Variants in CPA6 observed in about 807,000 individuals in gnomAD.
CPA6 encodes the protein carboxypeptidase B.
Under a neutral mutation model 63.3 loss-of-function variants are expected in CPA6, and 58 were observed. The observed-to-expected ratio is 0.92, with a 90% CI of 0.74 to 1.14. The LOEUF is 1.14. CPA6 is among the 50% of genes most tolerant of loss of function. The probability of loss-of-function intolerance (pLI) is 0.00; values close to 1 mark genes in which losing one functional copy is unlikely to be tolerated. For synonymous variants in CPA6, 185 were observed against 179.0 expected, an observed-to-expected ratio of 1.03 and a Z score of -0.27; for missense variants, 565 against 526.6, an observed-to-expected ratio of 1.07 and a Z score of -0.71.
At chr8:67,640,175 C>T (rs1468967698) in intron 1 of CPA6, among the ~76,000 whole-genome samples, 1 of 151,394 alleles carries the variant, frequency 6.6e-6, no homozygotes, top group African/African-American at 2.5e-5. Context: ...GGAGCCTGGC[C>T]CCCAGGCTTC....
intron 8 of CPA6, among the ~76,000 whole-genome samples, chr8:67,465,377 A>G (rs948237864): frequency 2.0e-5 from 3 of 151,984 alleles, no homozygotes; most frequent in African/African-American, 7.2e-5. Context: ...GAAGTCGTTT[A>G]TCAGTTCCAG....
At chr8:67,715,250 TGCC>T in intron 1 of CPA6, among the ~76,000 whole-genome samples, 1 of 152,322 alleles carries the variant, frequency 6.6e-6, no homozygotes, top group East Asian at 1.9e-4. Flanking sequence ...CTACTTCCAA[TGCC>T]AATTCTAAAT....
chr8:67,712,787 G>GA (rs1817289357), intron 1 of CPA6, among the ~76,000 whole-genome samples: 1 of 151,942 alleles, frequency 6.6e-6, no homozygotes, highest in Admixed American at 6.5e-5. Flanking sequence ...TGAGTAGTGT[G>GA]AAGAAATTTC....
chr8:67,496,544 TATATATATATA>T lies in CPA6; in HGVS notation c.636+10232_636+10242del, dbSNP rs1811719444. Among the ~76,000 whole-genome samples the T allele has an allele frequency of 3.6e-5, 5 of 140,048 alleles. 1 individual carries two copies. Among genetic ancestry groups the T allele is most frequent in the African/African-American group, 1.4e-4 (5 of 36,844 alleles). The allele number at this position is 140,048 out of a possible 152,430, so 91.9% of individuals were successfully genotyped here. A position where few individuals can be genotyped will look rare whatever the true frequency, so the allele number is the denominator to read the frequency against. On this transcript the variant is annotated intron_variant, in intron 6 of 10. Coordinates refer to ENST00000297770, the MANE Select transcript of CPA6 (RefSeq NM_020361.5). ...TTATATATATATATATATATATATA[TATATATATATA>T]TATTTATTTTATTTTTTTTTTTTGA...
intron 8 of CPA6, among the ~76,000 whole-genome samples, chr8:67,446,833 G>C (rs1473886176): frequency 6.6e-6 from 1 of 151,984 alleles, no homozygotes; most frequent in African/African-American, 2.4e-5. Context: ...AATTATCCTG[G>C]AATGACCCAT....
At chr8:67,544,737 CTTCTGCCATATATATA>C (rs1467805963) in intron 2 of CPA6, among the ~76,000 whole-genome samples, 1 of 152,148 alleles carries the variant, frequency 6.6e-6, no homozygotes, top group Non-Finnish European at 1.5e-5. Context: ...TAATTCGCTG[CTTCTGCCATATATATA>C]TCTTTCGTAC....
intron 2 of CPA6, among the ~76,000 whole-genome samples, chr8:67,519,644 A>C (rs1812219800): frequency 6.6e-6 from 1 of 152,204 alleles, no homozygotes; most frequent in Non-Finnish European, 1.5e-5. Flanking sequence ...GCAAGGGCAA[A>C]TCTGACTCAG....
intron 1 of CPA6, among the ~76,000 whole-genome samples, chr8:67,724,310 G>A (rs999448359): frequency 6.6e-6 from 1 of 152,138 alleles, no homozygotes; most frequent in Non-Finnish European, 1.5e-5. Context: ...GTGGTGTGTT[G>A]CCTTTGGTAA....
chr8:67,536,198 T>C (rs1311741833), intron 2 of CPA6, among the ~76,000 whole-genome samples: 1 of 152,226 alleles, frequency 6.6e-6, no homozygotes, highest in East Asian at 1.9e-4. Context: ...TGGTTCCATA[T>C]GAAATTTAAA....
chr8:67,508,979 A>C (rs1811988084), intron 5 of CPA6, among the ~76,000 whole-genome samples: 1 of 152,134 alleles, frequency 6.6e-6, no homozygotes, highest in Non-Finnish European at 1.5e-5. Context: ...CAGGAAACTT[A>C]GAGTCATGGC....
intron 1 of CPA6, among the ~76,000 whole-genome samples, chr8:67,678,195 T>A (rs1372623712): frequency 6.8e-6 from 1 of 147,180 alleles, no homozygotes. Context: ...GCCATTGCAT[T>A]ACAGCCTGGG....
At chr8:67,430,129 A>ATG (rs1445523416) in intron 9 of CPA6, among the ~76,000 whole-genome samples, 10 of 120,874 alleles carry the variant, frequency 8.3e-5, no homozygotes, top group Admixed American at 5.8e-4. Flanking sequence ...TGGTATATAT[A>ATG]TATGTGTGTG....
At chr8:67,717,904 T>C (rs971465537) in intron 1 of CPA6, among the ~76,000 whole-genome samples, 1 of 152,172 alleles carries the variant, frequency 6.6e-6, no homozygotes, top group Non-Finnish European at 1.5e-5. Flanking sequence ...TGATTGTCCC[T>C]GAGAGAGTTC....
At chr8:67,689,425 C>A (rs1816773083) in intron 1 of CPA6, among the ~76,000 whole-genome samples, 1 of 152,178 alleles carries the variant, frequency 6.6e-6, no homozygotes, top group Non-Finnish European at 1.5e-5. Flanking sequence ...CAGCCCACCT[C>A]TACCTCCACA....
chr8:67,731,330 G>A (rs981639757), intron 1 of CPA6, among the ~76,000 whole-genome samples: 5 of 152,268 alleles, frequency 3.3e-5, no homozygotes, highest in Admixed American at 2.6e-4. Context: ...AAACTATGCA[G>A]TGTGGTTTCA....
intron 1 of CPA6, among the ~76,000 whole-genome samples, chr8:67,680,142 A>G (rs1269070384): frequency 6.6e-6 from 1 of 152,242 alleles, no homozygotes; most frequent in Non-Finnish European, 1.5e-5. Flanking sequence ...TTCCTATTCA[A>G]ACTAAAGGTA....
intron 1 of CPA6, among the ~76,000 whole-genome samples, chr8:67,707,275 A>G (rs1031141591): frequency 3.3e-5 from 5 of 152,226 alleles, no homozygotes; most frequent in Non-Finnish European, 7.3e-5. Context: ...GAAGAACAGG[A>G]GTTAACCGCA....
At chr8:67,727,006 G>A (rs1033989178) in intron 1 of CPA6, among the ~76,000 whole-genome samples, 8 of 152,194 alleles carry the variant, frequency 5.3e-5, no homozygotes, top group African/African-American at 1.7e-4. Flanking sequence ...AGGCACCACA[G>A]AAGCTGCAAT....
chr8:67,571,985 A>G (rs1489927976), intron 2 of CPA6, among the ~76,000 whole-genome samples: 2 of 152,200 alleles, frequency 1.3e-5, no homozygotes, highest in African/African-American at 4.8e-5. Context: ...ATCAGAAACG[A>G]AAGTGGAAAC....
Sources: allele counts gnomAD v4.1 joint callset (sites outside exome capture counted in the v4.1 genomes callset), GRCh38; gene constraint gnomAD v4.1.1; transcripts MANE v1.5; gene names NCBI Gene and HGNC (gene_info 2026-07-23, HGNC 2026-07-21).